Variants in RNF157 observed in about 807,000 individuals in gnomAD.
RNF157 encodes ring finger protein 157.
Under a neutral mutation model 88.3 loss-of-function variants are expected in RNF157, and 55 were observed. That is an observed-to-expected ratio of 0.62 (90% confidence interval 0.50 to 0.78). The LOEUF is 0.78. Ranked by LOEUF, RNF157 falls within the 30% of genes least tolerant of loss-of-function variation. RNF157 has a pLI of 0.00. For missense variants in RNF157, 788 were observed against 860.8 expected (o/e 0.92, Z 1.06); for synonymous variants, 334 against 341.2 (o/e 0.98, Z 0.23).
intron 1 of RNF157, chr17:76,226,644 T>C: frequency 1.2e-6 from 2 of 1,612,744 alleles, no homozygotes; most frequent in East Asian, 2.2e-5. Context: ...GAGCCCGCCT[T>C]AGCCTTGTCG....
rs767853978 is a variant in RNF157 at position 76,161,942 on chromosome 17, G to A, written c.853C>T (p.Arg285Trp). The change falls in exon 10 of 19, where the codon CGG (arginine) becomes TGG (tryptophan). Residue 285 changes from arginine (R) to tryptophan (W), a missense_variant. Transcript: ENST00000269391. This position sits in a 1 kb window ranked among gnomAD's most constrained non-coding sequence, Gnocchi z 4.6. The part of the protein sequence containing the change: ...AECVVCLSDV[R>W]DTLILPCRHL... ...CGACAGGGCAGAATCAAGGTGTCCC[G>A]GACATCCGAGAGACACACCACACAC... 5.0e-6 allele frequency: 8 copies of A among 1,614,106 alleles called. No individual in the cohort carries two copies. The highest frequency in any genetic ancestry group is 1.1e-5 in the South Asian group (1 of 91,088).
chr17:76,177,899 C>A (rs116116942), intron 2 of RNF157, among the ~76,000 whole-genome samples: 7 of 152,236 alleles, frequency 4.6e-5, no homozygotes, highest in Admixed American at 6.5e-5. Context: ...GACCTTCCTG[C>A]GGAAAAGAGC....
In RNF157 at chr17:76,210,381, C is replaced by CAGG. The variant is rs542081269; in HGVS notation, c.207+1982_207+1983insCCT. ...GGCCAAGGTGGGCGGATCACGAGGT[C>CAGG]AGATCGAGACCATCCTGGCTAACAC... On this transcript the variant is annotated intron_variant, in intron 2 of 18. Transcript: ENST00000269391. Among the ~76,000 whole-genome samples, 1,307 of 151,484 alleles carry CAGG rather than the reference C, an allele frequency of 8.6e-3. 19 individuals carry two copies. The highest frequency in any genetic ancestry group is 0.026 in the African/African-American group (1,089 of 41,348).
chr17:76,208,063 G>A (rs571630495), intron 2 of RNF157, among the ~76,000 whole-genome samples: 18 of 152,116 alleles, frequency 1.2e-4, no homozygotes, highest in Admixed American at 8.5e-4. Context: ...CTAGAGGCAT[G>A]CACCACCACG....
Position 76,222,166 on chromosome 17 carries a change from A to T in RNF157, c.89-9684T>A, listed in dbSNP as rs369416332. Among the ~76,000 whole-genome samples the T allele has an allele frequency of 3.9e-4, 59 of 152,192 alleles. 1 individual carries two copies. In the South Asian group the frequency reaches 0.012, roughly 30 times the overall value. On this transcript the variant is annotated intron_variant, in intron 1 of 18. Coordinates refer to ENST00000269391, the MANE Select transcript of RNF157 (RefSeq NM_052916.3). ...TTCGAGACCAGCCTGGCCAACATGA[A>T]GCAACCCCGTCTCTACTAAAAATAC... is the stretch of plus-strand genomic sequence containing the variant.
intron 1 of RNF157, among the ~76,000 whole-genome samples, chr17:76,213,219 T>C (rs2069831415): frequency 6.6e-6 from 1 of 152,194 alleles, no homozygotes; most frequent in South Asian, 2.1e-4. Context: ...CACTGTGATA[T>C]TGTAAAATAT....
Position 76,146,638 on chromosome 17 carries a change from A to C in RNF157, c.1922-1285T>G. ...CCGGGGGAGGCCCAGTGTGCTCCTA[A>C]GTGCTCCCTGCAGCCTGAACTACTG... On this transcript the variant is annotated intron_variant, in intron 18 of 18. Coordinates refer to ENST00000269391, the MANE Select transcript of RNF157 (RefSeq NM_052916.3). This position sits in a 1 kb window ranked among gnomAD's most constrained non-coding sequence, Gnocchi z 4.2. 2.0e-6 allele frequency: 2 copies of C among 985,436 alleles called. No individual in the cohort carries two copies. Among genetic ancestry groups the C allele is most frequent in the Non-Finnish European group, 2.4e-6 (2 of 829,930 alleles). The allele number at this position is 985,436 out of a possible 1,614,324, so 61.0% of individuals were successfully genotyped here.
intron 1 of RNF157, among the ~76,000 whole-genome samples, chr17:76,213,810 C>G (rs2069843794): frequency 6.6e-6 from 1 of 152,022 alleles, no homozygotes; most frequent in Admixed American, 6.6e-5. Context: ...TGTAATCAAC[C>G]ATGCTATGTA....
chr17:76,187,829 C>G (rs1428814454), intron 2 of RNF157, among the ~76,000 whole-genome samples: 2 of 152,258 alleles, frequency 1.3e-5, no homozygotes, highest in East Asian at 3.9e-4. Context: ...AACTCCTGAC[C>G]TCAAATGATC....
In RNF157 at chr17:76,174,969, T is replaced by C. The variant is rs58254164; in HGVS notation, c.208-1179A>G. On this transcript the variant is annotated intron_variant, in intron 2 of 18. Transcript: ENST00000269391. ...AGTTTTTTCTAATTACAAAGTAATA[T>C]ATGTTTAAGCAGAAAACTTGAAAAA... Among the ~76,000 whole-genome samples, 1,120 of 152,314 alleles carry C rather than the reference T, an allele frequency of 7.4e-3. 14 individuals carry two copies. The highest frequency in any genetic ancestry group is 0.025 in the African/African-American group (1,053 of 41,556).
chr17:76,234,447 C>A (rs1035794025), intron 1 of RNF157, among the ~76,000 whole-genome samples: 26 of 152,042 alleles, frequency 1.7e-4, no homozygotes, highest in African/African-American at 6.3e-4. Context: ...ACTGTCAAAC[C>A]GTTTTCCAAA....
chr17:76,158,321 T>C, intron 13 of RNF157, 72 bp downstream of exon 13: 1 of 992,692 alleles, frequency 1.0e-6, no homozygotes, highest in East Asian at 2.4e-5. Context: ...CAGAGGGACC[T>C]GATGAGGCAT....
At chr17:76,216,912 CAAA>C (rs1365886046) in intron 1 of RNF157, among the ~76,000 whole-genome samples, 2 of 151,130 alleles carry the variant, frequency 1.3e-5, no homozygotes, top group African/African-American at 4.9e-5. Flanking sequence ...AAAACAAAAA[CAAA>C]AAACAAACAA....
chr17:76,167,021 C>T lies in RNF157; in HGVS notation c.549G>A (p.Trp183Ter). The change falls in exon 5 of 19, where the codon TGG becomes TGA. Residue 183 changes from tryptophan (W) to a stop codon, truncating the protein, a stop_gained. Coordinates refer to ENST00000269391, the MANE Select transcript of RNF157 (RefSeq NM_052916.3). LOFTEE classifies it high-confidence loss of function. ...AGAGGCAGCTCACCTCCTCTTCGGC[C>T]CACTCGGAGGGATCCACGGTGTGGG... The part of the protein sequence containing the change: ...LPSHTVDPSE[W>*]AEEELGFDLD... 1 of 1,608,116 alleles carries T rather than the reference C, an allele frequency of 6.2e-7. No homozygotes were observed. The highest frequency in any genetic ancestry group is 8.5e-7 in the Non-Finnish European group (1 of 1,179,138).
intron 11 of RNF157, 36 bp from the exon 12 acceptor site, chr17:76,159,609 G>C (rs560494102): frequency 6.9e-7 from 1 of 1,452,370 alleles, no homozygotes; most frequent in African/African-American, 1.4e-5. Flanking sequence ...AAATTAATTA[G>C]GTCCTTTTTG....
In RNF157 at chr17:76,167,805, A is replaced by G. The variant is rs1300870059; in HGVS notation, c.297-8T>C. On this transcript the variant is annotated splice_region_variant and splice_polypyrimidine_tract_variant and intron_variant, in intron 3 of 18. Transcript: ENST00000269391. ...TTCACTTCCTCAGCACATCTAGAAA[A>G]CCAGAGACTCAGCATTTGCAGAGTA... The G allele has an allele frequency of 6.2e-7, 1 of 1,610,234 alleles. No homozygotes were observed. Among genetic ancestry groups the G allele is most frequent in the East Asian group, 2.2e-5 (1 of 44,866 alleles).
intron 1 of RNF157, among the ~76,000 whole-genome samples, chr17:76,218,964 C>T (rs2069936514): frequency 6.6e-6 from 1 of 151,542 alleles, no homozygotes; most frequent in South Asian, 2.1e-4. Context: ...AAAATAAAAA[C>T]AAAGAAAATA....
intron 3 of RNF157, among the ~76,000 whole-genome samples, chr17:76,170,003 G>T (rs757383042): frequency 1.3e-5 from 2 of 152,188 alleles, no homozygotes; most frequent in Non-Finnish European, 2.9e-5. Context: ...CTGCTGATTA[G>T]AGCTCTGAGT....
chr17:76,155,479 G>C, intron 15 of RNF157, 83 bp downstream of exon 15: 1 of 1,540,662 alleles, frequency 6.5e-7, no homozygotes, highest in Non-Finnish European at 8.9e-7. Context: ...TTGCAGCCAT[G>C]CATGGCAGAC....
Sources: gnomAD v4.1 joint callset for allele counts (sites outside exome capture counted in the v4.1 genomes callset) on GRCh38, gnomAD v4.1.1 for gene constraint, Gnocchi (gnomAD v3.1) non-coding constraint, MANE v1.5 for transcripts, NCBI Gene and HGNC (gene_info 2026-07-23, HGNC 2026-07-21) for gene names.